MCC: variants seen among roughly 807,000 people sequenced by gnomAD.
MCC encodes colorectal mutant cancer protein.
In MCC, 90 loss-of-function variants were observed where a neutral mutation model predicts 116.2. That is an observed-to-expected ratio of 0.77 (90% CI 0.65 to 0.92). The LOEUF (loss-of-function observed/expected upper bound fraction) is 0.92. Among genes scored for constraint, MCC ranks in the 40% least tolerant of loss-of-function variants. The pLI, the probability that MCC is intolerant of heterozygous loss-of-function variation, is 0.00. For missense variants in MCC, 1,516 were observed against 1,312.2 expected (o/e 1.16, Z -2.40); for synonymous variants, 578 against 510.5 (o/e 1.13, Z -1.78).
At chr5:113,253,948 G>C (rs1764905989) in intron 3 of MCC, among the ~76,000 whole-genome samples, 1 of 152,184 alleles carries the variant, frequency 6.6e-6, no homozygotes, top group African/African-American at 2.4e-5. Flanking sequence ...AAACAAAAAA[G>C]TTTGGTAGGA....
rs569945061 is a variant in MCC at position 113,101,887 on chromosome 5, T to C, written c.1250A>G (p.Glu417Gly). 1.5e-5 allele frequency: 24 copies of C among 1,613,994 alleles called. No individual in the cohort carries two copies. The South Asian group carries it at 2.6e-4, about 18-fold the overall frequency. ...CAGCTCCTTCTCCCACCGAGACCTC[T>C]CTTCAGCCAGGTTGGGATACAGGTC... ...GRDLYPNLAE[E>G]RSRWEKELAG... The change falls in exon 8 of 19, where the codon GAG becomes GGG. Residue 417 changes from glutamate (E) to glycine (G), a missense_variant. Physicochemically the swap from Glu to Gly is moderately conservative, Grantham distance 98. Coordinates refer to ENST00000408903, the MANE Select transcript of MCC (RefSeq NM_001085377.2).
chr5:113,186,951 A>G (rs1403494312), intron 3 of MCC, among the ~76,000 whole-genome samples: 7 of 152,306 alleles, frequency 4.6e-5, no homozygotes, highest in African/African-American at 1.4e-4. Flanking sequence ...ACATCCTACA[A>G]TAAACAGGAC....
At chr5:113,461,744 T>TA (rs56312844) in intron 1 of MCC, among the ~76,000 whole-genome samples, 8,264 of 118,686 alleles carry the variant, frequency 0.07, 532 homozygotes, top group African/African-American at 0.19. Flanking sequence ...CTTGCACCAG[T>TA]AAAAAAAAAA....
Position 113,139,233 on chromosome 5 carries a change from GC to G in MCC, c.884+3984del, listed in dbSNP as rs1759031897. On this transcript the variant is annotated intron_variant, in intron 5 of 18. Coordinates refer to ENST00000408903, the MANE Select transcript of MCC (RefSeq NM_001085377.2). Reference sequence around the variant, plus strand: ...CCAGTCAACATCGCTGATTCCTCAGGCTTCTAAACTTTTTCTAGATTATACT... The same window carrying G: ...CCAGTCAACATCGCTGATTCCTCAGGTTCTAAACTTTTTCTAGATTATACT... Among the ~76,000 whole-genome samples, 4 of 152,174 alleles carry G rather than the reference GC, an allele frequency of 2.6e-5. No individual in the cohort carries two copies. The East Asian group carries it at 7.7e-4, about 29-fold the overall frequency.
chr5:113,440,220 C>A (rs1022372873), intron 1 of MCC, among the ~76,000 whole-genome samples: 1 of 152,200 alleles, frequency 6.6e-6, no homozygotes, highest in Non-Finnish European at 1.5e-5. Context: ...TATTAAAGAT[C>A]AATCAGGATA....
intron 3 of MCC, among the ~76,000 whole-genome samples, chr5:113,321,930 C>T (rs757718059): frequency 5.9e-5 from 9 of 152,186 alleles, no homozygotes; most frequent in African/African-American, 2.2e-4. Context: ...CTCCCGGGTT[C>T]AAGCAATTCT....
chr5:113,176,361 G>A (rs1017658378), intron 3 of MCC, among the ~76,000 whole-genome samples: 5 of 152,200 alleles, frequency 3.3e-5, no homozygotes, highest in African/African-American at 1.2e-4. Flanking sequence ...GCTAGTAAAC[G>A]TTTAATTGAA....
In MCC at chr5:113,469,974, C is replaced by G. The variant is rs1232994513; in HGVS notation, c.170+18271G>C. ...TCTCTTTTGATCTTTGTTGTTTAAA[C>G]TCTGTTTTATCAGAGACTAGGATTG... On this transcript the variant is annotated intron_variant, in intron 1 of 18. Transcript: ENST00000408903. Among the ~76,000 whole-genome samples the G allele has an allele frequency of 9.2e-5, 14 of 152,162 alleles. No individual in the cohort carries two copies. In the East Asian group the frequency reaches 1.2e-3, roughly 13 times the overall value.
rs778236088 is a variant in MCC at position 113,084,107 on chromosome 5, G to A, written c.1629C>T (p.Ser543=). 1.2e-6 allele frequency: 2 copies of A among 1,613,800 alleles called. No homozygotes were observed. Among genetic ancestry groups the A allele is most frequent in the South Asian group, 1.1e-5 (1 of 91,080 alleles). ...DRPVLGSEIS[S]IGVSSSVAEH... ...GCTTCTCATGAACACTCACCCCTAT[G>A]CTACTGATTTCTGAGCCCAGGACTG... Residue 543 remains serine (S), a synonymous_variant, in exon 10 of 19, where the codon AGC becomes AGT. Coordinates refer to ENST00000408903, the MANE Select transcript of MCC (RefSeq NM_001085377.2).
chr5:113,061,773 C>A (rs1753236764), intron 14 of MCC, among the ~76,000 whole-genome samples: 2 of 152,178 alleles, frequency 1.3e-5, no homozygotes, highest in East Asian at 1.9e-4. Flanking sequence ...CTGATTAGAC[C>A]TCTTGAAGCT....
intron 5 of MCC, among the ~76,000 whole-genome samples, chr5:113,140,873 C>G (rs896250034): frequency 3.9e-5 from 6 of 152,134 alleles, no homozygotes; most frequent in African/African-American, 1.4e-4. Context: ...GCATTTGGCC[C>G]ATCACAGCAT....
At chr5:113,246,601 G>A (rs1345957185) in intron 3 of MCC, among the ~76,000 whole-genome samples, 1 of 152,238 alleles carries the variant, frequency 6.6e-6, no homozygotes, top group Non-Finnish European at 1.5e-5. Flanking sequence ...CAGAGGCTGA[G>A]AGCCAAGTAA....
chr5:113,055,007 C>T (rs1423724599), intron 14 of MCC, among the ~76,000 whole-genome samples: 1 of 152,208 alleles, frequency 6.6e-6, no homozygotes, highest in Non-Finnish European at 1.5e-5. Context: ...TGCACTGGGC[C>T]TCCCTAGGGG....
intron 1 of MCC, among the ~76,000 whole-genome samples, chr5:113,422,097 T>A (rs1200405110): frequency 1.3e-5 from 2 of 152,184 alleles, no homozygotes; most frequent in East Asian, 1.9e-4. Flanking sequence ...GCTGTGTTGG[T>A]GAAGGTTTAA....
intron 1 of MCC, among the ~76,000 whole-genome samples, chr5:113,414,101 C>G (rs1379510199): frequency 3.9e-5 from 6 of 152,146 alleles, no homozygotes; most frequent in Non-Finnish European, 5.9e-5. Flanking sequence ...TTTCTTAATC[C>G]TGAGTTCTAA....
intron 3 of MCC, among the ~76,000 whole-genome samples, chr5:113,179,007 T>C (rs1761478604): frequency 1.3e-5 from 2 of 152,270 alleles, no homozygotes; most frequent in South Asian, 4.1e-4. Flanking sequence ...AGAGCAAAAA[T>C]GATCCAGAAG....
chr5:113,198,221 T>G (rs1346624033), intron 3 of MCC, among the ~76,000 whole-genome samples: 2 of 152,214 alleles, frequency 1.3e-5, no homozygotes, highest in Non-Finnish European at 1.5e-5. Context: ...TAAAGGGTTT[T>G]GGTATCTTCT....
intron 3 of MCC, among the ~76,000 whole-genome samples, chr5:113,227,064 T>A (rs1581277762): frequency 2.0e-5 from 3 of 152,348 alleles, no homozygotes; most frequent in African/African-American, 7.2e-5. Context: ...ACACCCAGGC[T>A]CAGTTTTTCT....
intron 3 of MCC, among the ~76,000 whole-genome samples, chr5:113,330,686 A>T (rs1423892295): frequency 2.0e-5 from 3 of 152,228 alleles, no homozygotes; most frequent in African/African-American, 7.2e-5. Flanking sequence ...ACAAAAGGAA[A>T]GGCAAAGAAA....
Sources: gnomAD v4.1 joint callset for allele counts (sites outside exome capture counted in the v4.1 genomes callset) on GRCh38, gnomAD v4.1.1 for gene constraint, MANE v1.5 for transcripts, NCBI Gene and HGNC (gene_info 2026-07-23, HGNC 2026-07-21) for gene names.